CPA4: variants seen among roughly 807,000 people sequenced by gnomAD.
CPA4 encodes the protein carboxypeptidase A3.
In CPA4, 49 loss-of-function variants were observed where a neutral mutation model predicts 54.7. That is an observed-to-expected ratio of 0.90 (90% CI 0.71 to 1.14). The LOEUF (loss-of-function observed/expected upper bound fraction) is 1.14. Ranked by LOEUF, CPA4 falls within the 50% of genes most tolerant of loss-of-function variation. The pLI is 0.00. For missense variants in CPA4, 487 were observed against 525.1 expected, an observed-to-expected ratio of 0.93 and a Z score of 0.71; for synonymous variants, 215 against 206.8, an observed-to-expected ratio of 1.04 and a Z score of -0.34.
chr7:130,298,941 G>T lies in CPA4; in HGVS notation c.150+114G>T. The T allele has an allele frequency of 4.3e-6, 3 of 691,350 alleles. No homozygotes were observed. The South Asian group carries it at 5.5e-5, about 13-fold the overall frequency. 42.8% of individuals were successfully genotyped at this position (691,350 alleles called of 1,614,324 possible). A position where few individuals can be genotyped will look rare whatever the true frequency, so the allele number is the denominator to read the frequency against. On this transcript the variant is annotated intron_variant, in intron 2 of 10. Transcript: ENST00000222482. Reference sequence around the variant, plus strand: ...GAGGAGTCTCTGAATATAATCCTGTGGGAGTCCACTTGCCATTTATACAAT... The same window carrying T: ...GAGGAGTCTCTGAATATAATCCTGTTGGAGTCCACTTGCCATTTATACAAT...
chr7:130,321,627 G>A (rs1040778764), intron 10 of CPA4, among the ~76,000 whole-genome samples: 11 of 152,156 alleles, frequency 7.2e-5, no homozygotes, highest in African/African-American at 2.7e-4. Flanking sequence ...GCAGTTCCAC[G>A]TGGCTGGTGA....
chr7:130,312,286 G>A (rs551594721), intron 10 of CPA4, among the ~76,000 whole-genome samples, 164 bp downstream of exon 10: 1 of 152,310 alleles, frequency 6.6e-6, no homozygotes, highest in Non-Finnish European at 1.5e-5. Flanking sequence ...GCTGTTGCAT[G>A]CAGTCCCCTT....
intron 2 of CPA4, 149 bp downstream of exon 2, chr7:130,298,976 T>G: frequency 1.6e-6 from 1 of 638,684 alleles, no homozygotes; most frequent in Non-Finnish European, 2.8e-6. Flanking sequence ...TTGAGGGGGC[T>G]GATGGGAGAG....
Position 130,310,781 on chromosome 7 carries a change from C to A in CPA4, c.794-6C>A. ...TTAATGTTTGTTCTTGGGCTATCCCCAACAGGAAAGGGAGCCAGCGACAAC... is the reference window on the plus strand; with the variant it reads ...TTAATGTTTGTTCTTGGGCTATCCCAAACAGGAAAGGGAGCCAGCGACAAC... On this transcript the variant is annotated splice_region_variant and splice_polypyrimidine_tract_variant and intron_variant, in intron 8 of 10. Transcript: ENST00000222482. This position sits in a 1 kb window ranked among gnomAD's most constrained non-coding sequence, Gnocchi z 4.3. 1 of 1,613,662 alleles carries A rather than the reference C, an allele frequency of 6.2e-7. No individual in the cohort carries two copies.
At chr7:130,297,051 C>T (rs1164949561) in intron 1 of CPA4, among the ~76,000 whole-genome samples, 2 of 152,098 alleles carry the variant, frequency 1.3e-5, no homozygotes, top group Non-Finnish European at 1.5e-5. Context: ...CTCCTGGGCT[C>T]CAGCGATCCT....
At chr7:130,306,477 A>G (rs1436716593) in intron 6 of CPA4, among the ~76,000 whole-genome samples, 1 of 152,206 alleles carries the variant, frequency 6.6e-6, no homozygotes, top group African/African-American at 2.4e-5. Flanking sequence ...TCAAATTCCT[A>G]AAAACTATTA....
At chr7:130,317,694 T>G (rs1187662431) in intron 10 of CPA4, among the ~76,000 whole-genome samples, 1 of 152,218 alleles carries the variant, frequency 6.6e-6, no homozygotes, top group Non-Finnish European at 1.5e-5. Context: ...CTCAAACTCC[T>G]GGGCTCAAGC....
At chr7:130,319,688 C>T (rs560182313) in intron 10 of CPA4, among the ~76,000 whole-genome samples, 51 of 152,094 alleles carry the variant, frequency 3.4e-4, no homozygotes, top group Middle Eastern at 6.8e-3. Context: ...AGGTGAGGGG[C>T]GGAGCTGTAC....
chr7:130,308,731 T>TATTTTTTTTTTTTC (rs1562930687), intron 8 of CPA4, among the ~76,000 whole-genome samples: 261 of 135,398 alleles, frequency 1.9e-3, no homozygotes, highest in African/African-American at 8.7e-3. Flanking sequence ...CTATTTTTTT[T>TATTTTTTTTTTTTC]CAGTAGAGAT....
intron 10 of CPA4, among the ~76,000 whole-genome samples, chr7:130,316,455 G>A (rs1310704832): frequency 3.3e-5 from 5 of 152,198 alleles, no homozygotes; most frequent in Admixed American, 3.3e-4. Flanking sequence ...ACTCTTTTAG[G>A]TGGGAGAGAG....
At chr7:130,299,485 G>A (rs1367271302) in intron 3 of CPA4, 81 bp downstream of exon 3, 4 of 1,335,274 alleles carry the variant, frequency 3.0e-6, no homozygotes, top group Non-Finnish European at 4.2e-6. Context: ...TGATTTGCAA[G>A]TTCTGGTTTT....
intron 10 of CPA4, among the ~76,000 whole-genome samples, chr7:130,318,418 CTTTTT>C (rs1230101311): frequency 1.3e-5 from 2 of 152,178 alleles, no homozygotes; most frequent in Non-Finnish European, 2.9e-5. Context: ...CTTTTCTTTT[CTTTTT>C]GAAATGGAGT....
intron 10 of CPA4, among the ~76,000 whole-genome samples, chr7:130,314,123 T>C (rs1211656427): frequency 1.3e-5 from 2 of 152,210 alleles, no homozygotes; most frequent in Admixed American, 6.5e-5. Context: ...GCAAAAATGC[T>C]CTGTTTGCTT....
intron 10 of CPA4, among the ~76,000 whole-genome samples, chr7:130,318,515 G>A (rs943184260): frequency 6.6e-6 from 1 of 152,098 alleles, no homozygotes; most frequent in Non-Finnish European, 1.5e-5. Flanking sequence ...AGGTTCAAGC[G>A]ATTCCCCTGC....
intron 4 of CPA4, among the ~76,000 whole-genome samples, chr7:130,303,664 T>C (rs1468063057): frequency 6.6e-6 from 1 of 152,164 alleles, no homozygotes; most frequent in Non-Finnish European, 1.5e-5. Flanking sequence ...GGGTCTCACT[T>C]GTTGCCCAGG....
chr7:130,303,282 G>T (rs1159418067), intron 4 of CPA4, among the ~76,000 whole-genome samples: 1 of 152,106 alleles, frequency 6.6e-6, no homozygotes, highest in South Asian at 2.1e-4. Flanking sequence ...GCAAATAAGG[G>T]TATTTTTAGC....
At chr7:130,311,250 T>G (rs556988087) in intron 9 of CPA4, among the ~76,000 whole-genome samples, 1 of 152,166 alleles carries the variant, frequency 6.6e-6, no homozygotes, top group Admixed American at 6.5e-5. Flanking sequence ...CTGACTGCCA[T>G]GTATTGTGGA....
intron 4 of CPA4, among the ~76,000 whole-genome samples, 183 bp downstream of exon 4, chr7:130,301,097 G>A (rs185397774): frequency 1.3e-3 from 199 of 152,270 alleles, no homozygotes; most frequent in African/African-American, 4.7e-3. Context: ...ACCTCAGAGT[G>A]TCATGAAATA....
chr7:130,312,162 T>C, intron 10 of CPA4, 40 bp downstream of exon 10: 2 of 1,458,616 alleles, frequency 1.4e-6, no homozygotes, highest in Non-Finnish European at 1.9e-6. Flanking sequence ...AGAAAGCACT[T>C]TGAGAGGAAA....
Sources: gnomAD v4.1 joint callset for allele counts (sites outside exome capture counted in the v4.1 genomes callset) on GRCh38, gnomAD v4.1.1 for gene constraint, Gnocchi (gnomAD v3.1) non-coding constraint, MANE v1.5 for transcripts, NCBI Gene and HGNC (gene_info 2026-07-23, HGNC 2026-07-21) for gene names.